The following CACHD1 variants were observed in gnomAD, a reference collection of about 807,000 sequenced individuals.
The protein encoded by CACHD1 is cache domain containing 1.
Under a neutral mutation model 138.7 loss-of-function variants are expected in CACHD1, and 71 were observed. That is an observed-to-expected ratio of 0.51 (90% confidence interval 0.42 to 0.62). The LOEUF (loss-of-function observed/expected upper bound fraction) is 0.62, where lower values mean the gene tolerates loss of function less well. Ranked by LOEUF, CACHD1 falls within the 20% of genes least tolerant of loss-of-function variation. The pLI is 0.00. For missense variants in CACHD1, 1,389 were observed against 1,625.3 expected (o/e 0.85, Z 2.50); for synonymous variants, 578 against 591.5 (o/e 0.98, Z 0.33).
At chr1:64,537,717 T>A (rs1646644786) in intron 1 of CACHD1, among the ~76,000 whole-genome samples, 2 of 152,192 alleles carry the variant, frequency 1.3e-5, no homozygotes, top group Non-Finnish European at 2.9e-5. Context: ...ACATGTTCTT[T>A]TTGAAGGATT....
At chr1:64,663,883 G>A (rs374737760) in intron 14 of CACHD1, 46 bp downstream of exon 14, 101 of 1,610,740 alleles carry the variant, frequency 6.3e-5, no homozygotes, top group Non-Finnish European at 8.2e-5. Flanking sequence ...CCCTCCACAG[G>A]CCCAGCAGGG....
chr1:64,551,127 A>G (rs1198930552), intron 2 of CACHD1, among the ~76,000 whole-genome samples: 1 of 152,148 alleles, frequency 6.6e-6, no homozygotes, highest in Non-Finnish European at 1.5e-5. Context: ...TTAAATGATG[A>G]CAAATTGACC....
chr1:64,595,143 CTT>C (rs919726154), intron 3 of CACHD1, among the ~76,000 whole-genome samples: 12 of 152,154 alleles, frequency 7.9e-5, no homozygotes, highest in Admixed American at 6.6e-4. Context: ...TCTGCTAACT[CTT>C]AGTTGTTAGT....
intron 1 of CACHD1, among the ~76,000 whole-genome samples, chr1:64,536,562 A>G (rs951225173): frequency 2.0e-5 from 3 of 152,206 alleles, no homozygotes; most frequent in East Asian, 1.9e-4. Context: ...ACGAATTAGC[A>G]TGGTAAAAAA....
At chr1:64,619,834 C>A (rs1179578941) in intron 4 of CACHD1, among the ~76,000 whole-genome samples, 1 of 152,068 alleles carries the variant, frequency 6.6e-6, no homozygotes, top group Non-Finnish European at 1.5e-5. Flanking sequence ...ATCCATTGAT[C>A]AGAATTTGCC....
chr1:64,588,517 A>G (rs1191804758), intron 3 of CACHD1, among the ~76,000 whole-genome samples: 1 of 149,886 alleles, frequency 6.7e-6, no homozygotes, highest in Non-Finnish European at 1.5e-5. Flanking sequence ...AGTAGCTGGG[A>G]TTACAGGTGC....
At chr1:64,525,005 G>A (rs1646525948) in intron 1 of CACHD1, among the ~76,000 whole-genome samples, 1 of 152,152 alleles carries the variant, frequency 6.6e-6, no homozygotes, top group Non-Finnish European at 1.5e-5. Flanking sequence ...TGAACTTGGT[G>A]TGTTTGAAGA....
chr1:64,651,634 G>A (rs923897226), intron 9 of CACHD1, among the ~76,000 whole-genome samples: 6 of 152,074 alleles, frequency 3.9e-5, no homozygotes, highest in African/African-American at 1.2e-4. Context: ...CAACCTGGGT[G>A]ACAGAGTGAG....
intron 26 of CACHD1, among the ~76,000 whole-genome samples, chr1:64,684,363 C>CTTTTTTTTTTTTTTTTTTTTTTTTTTT (rs397980387): frequency 1.6e-4 from 9 of 54,982 alleles, no homozygotes; most frequent in African/African-American, 2.3e-4. Context: ...TCTTCTTCTT[C>CTTTTTTTTTTTTTTTTTTTTTTTTTTT]TTTTTTTTTT....
intron 4 of CACHD1, among the ~76,000 whole-genome samples, chr1:64,604,838 A>C (rs1285439691): frequency 6.6e-6 from 1 of 151,938 alleles, no homozygotes; most frequent in Non-Finnish European, 1.5e-5. Flanking sequence ...TTTTTTGTGG[A>C]GATGGGGTTT....
Position 64,526,667 on chromosome 1 carries a change from G to A in CACHD1, c.199-23927G>A, listed in dbSNP as rs371661471. Reference sequence around the variant, plus strand: ...GAAGCAATTTCCCATTCCTGCTAACGCAGAAAACTCTGCAGATTTATTTAT... The same window carrying A: ...GAAGCAATTTCCCATTCCTGCTAACACAGAAAACTCTGCAGATTTATTTAT... On this transcript the variant is annotated intron_variant, in intron 1 of 26. Coordinates refer to ENST00000651257, the MANE Select transcript of CACHD1 (RefSeq NM_020925.4). Among the ~76,000 whole-genome samples, 18 of 152,290 alleles carry A rather than the reference G, an allele frequency of 1.2e-4. 6 individuals carry two copies. The highest frequency in any genetic ancestry group is 2.9e-5 in the Non-Finnish European group (2 of 68,020).
At chr1:64,483,387 C>T (rs1315101269) in intron 1 of CACHD1, among the ~76,000 whole-genome samples, 3 of 152,080 alleles carry the variant, frequency 2.0e-5, no homozygotes, top group African/African-American at 7.2e-5. Flanking sequence ...AGGTATTATG[C>T]TTGGATTTGA....
At chr1:64,575,567 A>G (rs1285293107) in intron 2 of CACHD1, among the ~76,000 whole-genome samples, 2 of 152,222 alleles carry the variant, frequency 1.3e-5, no homozygotes, top group African/African-American at 2.4e-5. Flanking sequence ...AGGATCAACT[A>G]TTAAATTCTT....
Position 64,673,243 on chromosome 1 carries a change from C to T in CACHD1, c.2596C>T (p.His866Tyr). Residue 866 changes from histidine (H) to tyrosine (Y), a missense_variant, in exon 18 of 27, where the codon CAC becomes TAC. By Grantham distance (83) the His-to-Tyr change is moderately conservative (BLOSUM62 2). This residue lies in a region of CACHD1 where 1,000 missense variants were observed against 1,114.7 expected (regional missense o/e 0.90). Coordinates refer to ENST00000651257, the MANE Select transcript of CACHD1 (RefSeq NM_020925.4). ...AGGACATGCACCTGTGGAGCAGCAGCACATCACCCACAAGGTATTTGTCAC... is the reference window on the plus strand; with the variant it reads ...AGGACATGCACCTGTGGAGCAGCAGTACATCACCCACAAGGTATTTGTCAC... Reference protein sequence around the residue: ...PKGHAPVEQQHITHKEPLVAN... With the variant: ...PKGHAPVEQQYITHKEPLVAN... 2 of 1,614,080 alleles carry T rather than the reference C, an allele frequency of 1.2e-6. No homozygotes were observed. Among genetic ancestry groups the T allele is most frequent in the Non-Finnish European group, 1.7e-6 (2 of 1,179,990 alleles).
intron 3 of CACHD1, among the ~76,000 whole-genome samples, chr1:64,599,260 T>C (rs1647191046): frequency 1.3e-5 from 2 of 152,098 alleles, no homozygotes; most frequent in Non-Finnish European, 2.9e-5. Context: ...AGCAGAATCT[T>C]AAAAAAAATC....
chr1:64,476,527 C>T lies in CACHD1; in HGVS notation c.198+5585C>T, dbSNP rs536093744. ...GTGATTTGATTCTACGCCTTGTGTACCATATAAGCCTTAGTGGAAAAACTG... is the reference window on the plus strand; with the variant it reads ...GTGATTTGATTCTACGCCTTGTGTATCATATAAGCCTTAGTGGAAAAACTG... On this transcript the variant is annotated intron_variant, in intron 1 of 26. Transcript: ENST00000651257. 2.0e-5 allele frequency among the ~76,000 whole-genome samples: 3 copies of T among 152,298 alleles called. No individual in the cohort carries two copies. The South Asian group carries it at 6.2e-4, about 32-fold the overall frequency.
At chr1:64,671,438 T>C in intron 16 of CACHD1, 126 bp from the exon 17 acceptor site, 1 of 982,764 alleles carries the variant, frequency 1.0e-6, no homozygotes, top group Non-Finnish European at 1.5e-6. Context: ...TTTTTGTAGG[T>C]GGGAAAAGTA....
intron 22 of CACHD1, 119 bp downstream of exon 22, chr1:64,677,130 A>G: frequency 1.3e-6 from 1 of 760,618 alleles, no homozygotes; most frequent in Admixed American, 2.4e-5. Flanking sequence ...ATAAGCCTTT[A>G]CCCACCAGAT....
At chr1:64,558,416 G>A (rs536774793) in intron 2 of CACHD1, among the ~76,000 whole-genome samples, 1 of 152,272 alleles carries the variant, frequency 6.6e-6, no homozygotes, top group South Asian at 2.1e-4. Flanking sequence ...TTTCAAAGCT[G>A]CAGCCCACCT....
Sources: allele counts gnomAD v4.1 joint callset (sites outside exome capture counted in the v4.1 genomes callset), GRCh38; gene constraint gnomAD v4.1.1; regional missense constraint gnomAD v4.1.1; transcripts MANE v1.5; gene names NCBI Gene and HGNC (gene_info 2026-07-23, HGNC 2026-07-21).